PLCL2: variants seen among roughly 807,000 people sequenced by gnomAD.
PLCL2 encodes the protein phospholipase C like 2.
PLCL2 carries 4 observed loss-of-function variants against 79.6 expected under a neutral mutation model. The observed-to-expected ratio is 0.05, with a 90% confidence interval of 0.02 to 0.11. The LOEUF is 0.11. Ranked by LOEUF, PLCL2 falls within the 10% of genes least tolerant of loss-of-function variation. The probability of loss-of-function intolerance (pLI) is 1.00; values close to 1 mark genes in which losing one functional copy is unlikely to be tolerated. For missense variants in PLCL2, 895 were observed against 1,291.0 expected, an observed-to-expected ratio of 0.69 and a Z score of 4.70; for synonymous variants, 484 against 457.7, an observed-to-expected ratio of 1.06 and a Z score of -0.73.
intron 3 of PLCL2, among the ~76,000 whole-genome samples, chr3:17,034,290 T>A (rs564891220): frequency 1.3e-5 from 2 of 152,272 alleles, no homozygotes; most frequent in African/African-American, 4.8e-5. Flanking sequence ...CTGTCCAGGG[T>A]GGGTTCCCCC....
chr3:16,919,636 T>C (rs990432893), intron 1 of PLCL2, among the ~76,000 whole-genome samples: 5 of 152,206 alleles, frequency 3.3e-5, no homozygotes, highest in African/African-American at 9.6e-5. Context: ...GCTTAGCTCT[T>C]TAATATTTAG....
At chr3:16,926,947 A>G (rs897866633) in intron 1 of PLCL2, among the ~76,000 whole-genome samples, 4 of 152,124 alleles carry the variant, frequency 2.6e-5, no homozygotes, top group Admixed American at 2.0e-4. Context: ...TTTTAAGGCT[A>G]AGGAAGAACG....
At chr3:16,980,760 G>C (rs1350979551) in intron 1 of PLCL2, among the ~76,000 whole-genome samples, 2 of 152,304 alleles carry the variant, frequency 1.3e-5, no homozygotes, top group South Asian at 2.1e-4. Context: ...CTGCAATCTC[G>C]GCACTTTGGG....
intron 1 of PLCL2, among the ~76,000 whole-genome samples, chr3:16,954,439 A>G (rs369100005): frequency 3.3e-5 from 5 of 152,214 alleles, no homozygotes; most frequent in South Asian, 2.1e-4. Flanking sequence ...TTGGACATTT[A>G]GGTTGGTTCC....
chr3:16,939,891 C>T (rs768002756), intron 1 of PLCL2, among the ~76,000 whole-genome samples: 5 of 152,132 alleles, frequency 3.3e-5, no homozygotes, highest in African/African-American at 7.2e-5. Flanking sequence ...ATTTTCCTTC[C>T]GGGCATTGGG....
chr3:16,905,888 G>A (rs961084344), intron 1 of PLCL2, among the ~76,000 whole-genome samples: 2 of 152,158 alleles, frequency 1.3e-5, no homozygotes, highest in Non-Finnish European at 2.9e-5. Context: ...TGGAGTAGGT[G>A]TTGATGAGTG....
intron 1 of PLCL2, among the ~76,000 whole-genome samples, chr3:16,951,431 T>C (rs949447498): frequency 2.6e-5 from 4 of 152,238 alleles, no homozygotes; most frequent in Admixed American, 2.0e-4. Context: ...TTGCCAAATA[T>C]TTGACTGGCT....
intron 5 of PLCL2, among the ~76,000 whole-genome samples, chr3:17,068,791 A>C (rs921014065): frequency 6.6e-6 from 1 of 152,160 alleles, no homozygotes; most frequent in Non-Finnish European, 1.5e-5. Context: ...ATGTGACATA[A>C]TTTTTAAAAT....
intron 3 of PLCL2, among the ~76,000 whole-genome samples, chr3:17,033,090 AG>A (rs1362463913): frequency 1.3e-5 from 2 of 152,188 alleles, no homozygotes; most frequent in Admixed American, 1.3e-4. Flanking sequence ...AGACCGTATC[AG>A]GGTTTAGATA....
chr3:17,069,127 AC>A (rs1171325984), intron 5 of PLCL2, among the ~76,000 whole-genome samples: 1 of 152,160 alleles, frequency 6.6e-6, no homozygotes, highest in Admixed American at 6.5e-5. Flanking sequence ...GAGGATGATT[AC>A]CTAACAACCC....
chr3:16,909,967 AC>A (rs1446210267), intron 1 of PLCL2, among the ~76,000 whole-genome samples: 1 of 152,120 alleles, frequency 6.6e-6, no homozygotes, highest in Non-Finnish European at 1.5e-5. Flanking sequence ...CTGTCACCTT[AC>A]CAAGATGAAC....
chr3:17,041,076 TGAC>T (rs540912386), intron 3 of PLCL2, among the ~76,000 whole-genome samples: 7 of 152,346 alleles, frequency 4.6e-5, no homozygotes, highest in African/African-American at 1.7e-4. Flanking sequence ...AGGTTACTGA[TGAC>T]GGTATGGACC....
intron 1 of PLCL2, among the ~76,000 whole-genome samples, chr3:16,893,555 G>A (rs532675028): frequency 2.2e-4 from 33 of 152,206 alleles, no homozygotes; most frequent in Admixed American, 4.6e-4. Flanking sequence ...TTTTCACAGC[G>A]GAAAGAGATC....
intron 5 of PLCL2, among the ~76,000 whole-genome samples, chr3:17,075,545 TAAAA>T (rs61190858): frequency 7.7e-6 from 1 of 129,760 alleles, no homozygotes. Context: ...CTTCAATGTG[TAAAA>T]AAAAAAAAAA....
Position 17,009,795 on chromosome 3 carries a change from A to G in PLCL2, c.449A>G (p.Lys150Arg), listed in dbSNP as rs2064300800. 6.2e-7 allele frequency: 1 copy of G among 1,613,848 alleles called. No individual in the cohort carries two copies. The highest frequency in any genetic ancestry group is 1.7e-5 in the Admixed American group (1 of 59,996). The change falls in exon 2 of 6, where the codon AAA (lysine) becomes AGA (arginine). Residue 150 changes from lysine to arginine, a missense_variant. Transcript: ENST00000615277. The surrounding 1 kb of genome is among the most constrained non-coding windows in gnomAD (Gnocchi z 4.0). The part of the protein sequence containing the change: ...INSMVEGSEL[K>R]KVRSNSRIYH... ...TCAATGGTTGAGGGTTCAGAACTCA[A>G]AAAGGTTCGCTCCAACTCTAGAATT...
intron 5 of PLCL2, among the ~76,000 whole-genome samples, chr3:17,071,945 G>T (rs1479751242): frequency 6.6e-6 from 1 of 151,912 alleles, no homozygotes; most frequent in Non-Finnish European, 1.5e-5. Flanking sequence ...TCCTGCCTCA[G>T]CCTCCCAAAT....
At chr3:16,979,984 C>T (rs2063966419) in intron 1 of PLCL2, among the ~76,000 whole-genome samples, 2 of 147,818 alleles carry the variant, frequency 1.4e-5, no homozygotes, top group South Asian at 4.5e-4. Flanking sequence ...CCCCAACCTC[C>T]CTCCTGGATG....
At chr3:16,933,646 C>T (rs1697465200) in intron 1 of PLCL2, among the ~76,000 whole-genome samples, 1 of 152,010 alleles carries the variant, frequency 6.6e-6, no homozygotes, top group African/African-American at 2.4e-5. Context: ...TAACCTTACA[C>T]TATTTCCTGA....
chr3:17,037,803 G>A (rs1487460311), intron 3 of PLCL2, among the ~76,000 whole-genome samples: 1 of 152,150 alleles, frequency 6.6e-6, no homozygotes, highest in East Asian at 1.9e-4. Flanking sequence ...ATCAGACATA[G>A]GGTCCTTATA....
Sources: allele counts gnomAD v4.1 joint callset (sites outside exome capture counted in the v4.1 genomes callset), GRCh38; gene constraint gnomAD v4.1.1; non-coding constraint Gnocchi (gnomAD v3.1); transcripts MANE v1.5; gene names NCBI Gene and HGNC (gene_info 2026-07-23, HGNC 2026-07-21).